Variants in PRKCQ observed in about 807,000 individuals in gnomAD.
PRKCQ encodes the protein protein kinase C theta type.
In PRKCQ, 41 loss-of-function variants were observed where a neutral mutation model predicts 91.2. That is an observed-to-expected ratio of 0.45 (90% CI 0.35 to 0.58). PRKCQ has a LOEUF of 0.58. PRKCQ is among the 20% of genes least tolerant of loss of function. The pLI is 0.00. For synonymous variants in PRKCQ, 307 were observed against 316.9 expected, an observed-to-expected ratio of 0.97 and a Z score of 0.33; for missense variants, 673 against 896.5, an observed-to-expected ratio of 0.75 and a Z score of 3.18.
chr10:6,521,136 C>T (rs1000477069), intron 1 of PRKCQ, among the ~76,000 whole-genome samples: 10 of 152,272 alleles, frequency 6.6e-5, no homozygotes, highest in South Asian at 4.1e-4. Context: ...TATGGGTTCA[C>T]GTCTGTCTTC....
the PRKCQ span, among the ~76,000 whole-genome samples, chr10:6,394,870 CCTT>C: frequency 3.4e-5 from 5 of 149,174 alleles, no homozygotes; most frequent in South Asian, 4.2e-4. Flanking sequence ...ATCATTCACT[CCTT>C]CTCTTCATGA....
At chr10:6,541,546 T>C (rs1168790376) in intron 1 of PRKCQ, among the ~76,000 whole-genome samples, 4 of 152,230 alleles carry the variant, frequency 2.6e-5, no homozygotes, top group Admixed American at 2.6e-4. Flanking sequence ...AGGAGTGTTA[T>C]GAGCCATTTT....
At chr10:6,487,961 T>G (rs1181263727) in intron 8 of PRKCQ, among the ~76,000 whole-genome samples, 1 of 145,446 alleles carries the variant, frequency 6.9e-6, no homozygotes, top group East Asian at 2.0e-4. Flanking sequence ...GCTGAGATCG[T>G]GCCACTGTAC....
At chr10:6,517,228 A>G (rs1055727362) in intron 1 of PRKCQ, among the ~76,000 whole-genome samples, 7 of 152,248 alleles carry the variant, frequency 4.6e-5, no homozygotes, top group Middle Eastern at 3.4e-3. Context: ...ATGATGAAAA[A>G]TAAAGAAGAC....
At chr10:6,560,792 C>T (rs555715235) in intron 1 of PRKCQ, among the ~76,000 whole-genome samples, 5 of 152,240 alleles carry the variant, frequency 3.3e-5, no homozygotes, top group East Asian at 1.9e-4. Context: ...GTAATCCCAG[C>T]GCTTTGGGAG....
chr10:6,449,503 C>T (rs926167755), intron 15 of PRKCQ, among the ~76,000 whole-genome samples: 11 of 152,120 alleles, frequency 7.2e-5, no homozygotes, highest in African/African-American at 2.4e-4. Flanking sequence ...AGTTGGAAAA[C>T]ACTCTGCAGG....
intron 5 of PRKCQ, 88 bp downstream of exon 5, chr10:6,498,308 C>G: frequency 6.7e-7 from 1 of 1,500,750 alleles, no homozygotes; most frequent in Middle Eastern, 2.4e-4. Context: ...GCACACCCCC[C>G]ACAGTGGAGC....
At chr10:6,517,423 A>T (rs1438382859) in intron 1 of PRKCQ, among the ~76,000 whole-genome samples, 2 of 151,438 alleles carry the variant, frequency 1.3e-5, no homozygotes, top group Non-Finnish European at 2.9e-5. Context: ...TTACTATAAA[A>T]TTTTTTTCAA....
At chr10:6,401,329 C>T in the PRKCQ span, among the ~76,000 whole-genome samples, 2 of 152,292 alleles carry the variant, frequency 1.3e-5, no homozygotes, top group East Asian at 1.9e-4. Flanking sequence ...TCCGGGTGAC[C>T]GTTCTCAAGC....
intron 1 of PRKCQ, among the ~76,000 whole-genome samples, chr10:6,574,013 G>C (rs970836984): frequency 2.0e-5 from 3 of 152,222 alleles, no homozygotes; most frequent in South Asian, 2.1e-4. Flanking sequence ...CTACTCAGGA[G>C]GCTGAGGCCG....
intron 1 of PRKCQ, among the ~76,000 whole-genome samples, chr10:6,539,752 GC>G (rs914041127): frequency 6.6e-6 from 1 of 152,172 alleles, no homozygotes; most frequent in Admixed American, 6.5e-5. Context: ...AGGGACCGCT[GC>G]TTTAGAGAAC....
chr10:6,445,544 A>C (rs1834235754), intron 15 of PRKCQ, among the ~76,000 whole-genome samples: 1 of 152,234 alleles, frequency 6.6e-6, no homozygotes, highest in Admixed American at 6.5e-5. Flanking sequence ...TAGCAAAGTC[A>C]AGATGATTTG....
chr10:6,438,597 C>CT lies in PRKCQ; in HGVS notation c.1836+3295dup, dbSNP rs796862312. 4.2e-3 allele frequency among the ~76,000 whole-genome samples: 623 copies of CT among 148,548 alleles called. 2 individuals carry two copies. The highest frequency in any genetic ancestry group is 0.013 in the East Asian group (68 of 5,076). ...CCACTTCCTTTAGATGTGCTAGACT[C>CT]TTTTTTTTTTGCGGGGGGGACAGGG... On this transcript the variant is annotated intron_variant, in intron 16 of 17. Transcript: ENST00000263125.
intron 14 of PRKCQ, among the ~76,000 whole-genome samples, chr10:6,461,769 C>A (rs4364968): frequency 0.29 from 44,323 of 151,956 alleles, 7,617 homozygotes; most frequent in Middle Eastern, 0.44. Context: ...AGTTGGAAAT[C>A]TGACAGTAAG....
chr10:6,439,749 C>T (rs1273494512), intron 16 of PRKCQ, among the ~76,000 whole-genome samples: 1 of 151,912 alleles, frequency 6.6e-6, no homozygotes, highest in Non-Finnish European at 1.5e-5. Context: ...TAACATATAA[C>T]ACATGTGTTA....
chr10:6,444,233 G>GA (rs1564299632), intron 15 of PRKCQ, among the ~76,000 whole-genome samples: 1 of 152,108 alleles, frequency 6.6e-6, no homozygotes, highest in African/African-American at 2.4e-5. Flanking sequence ...ACCATGCCCA[G>GA]ATAATTTTTG....
At chr10:6,402,620 G>A in the PRKCQ span, among the ~76,000 whole-genome samples, 6 of 152,204 alleles carry the variant, frequency 3.9e-5, no homozygotes, top group Non-Finnish European at 8.8e-5. Flanking sequence ...TGTATAAAGT[G>A]AAGCACTGTG....
intron 7 of PRKCQ, among the ~76,000 whole-genome samples, chr10:6,495,835 A>G (rs1159435246): frequency 1.3e-5 from 2 of 152,134 alleles, no homozygotes; most frequent in Non-Finnish European, 2.9e-5. Flanking sequence ...ATTGAAAATT[A>G]CCTATTGGGT....
chr10:6,468,989 CCCTGTG>C (rs990249347), intron 12 of PRKCQ, among the ~76,000 whole-genome samples: 36 of 152,286 alleles, frequency 2.4e-4, no homozygotes, highest in African/African-American at 8.4e-4. Context: ...AAGTATTTAG[CCCTGTG>C]CCTGGCATAT....
Sources: allele counts gnomAD v4.1 joint callset (sites outside exome capture counted in the v4.1 genomes callset), GRCh38; gene constraint gnomAD v4.1.1; transcripts MANE v1.5; gene names NCBI Gene and HGNC (gene_info 2026-07-23, HGNC 2026-07-21).